The following TLCD4 variants were observed in gnomAD, a reference collection of about 807,000 sequenced individuals.
The protein encoded by TLCD4 is TLC domain containing 4.
In TLCD4, 7 loss-of-function variants were observed where a neutral mutation model predicts 24.2. The observed-to-expected ratio is 0.29, with a 90% confidence interval of 0.16 to 0.54. The LOEUF (loss-of-function observed/expected upper bound fraction) is 0.54, where lower values mean the gene tolerates loss of function less well. Among genes scored for constraint, TLCD4 ranks in the 20% least tolerant of loss-of-function variants. The probability of loss-of-function intolerance (pLI) is 0.95; values close to 1 mark genes in which losing one functional copy is unlikely to be tolerated. For synonymous variants in TLCD4, 103 were observed against 106.4 expected, an observed-to-expected ratio of 0.97 and a Z score of 0.20; for missense variants, 259 against 313.9, an observed-to-expected ratio of 0.82 and a Z score of 1.32.
intron 5 of TLCD4, among the ~76,000 whole-genome samples, chr1:95,166,319 A>G (rs1678017053): frequency 6.6e-6 from 1 of 152,232 alleles, no homozygotes; most frequent in Admixed American, 6.5e-5. Context: ...CATCATGAAC[A>G]CAGTTAAGTT....
intron 5 of TLCD4, among the ~76,000 whole-genome samples, chr1:95,161,301 A>G (rs1378231031): frequency 6.6e-6 from 1 of 152,134 alleles, no homozygotes; most frequent in Non-Finnish European, 1.5e-5. Context: ...AGAGGTGTTT[A>G]TAGGATTCTC....
At chr1:95,107,952 A>C in the TLCD4 span, among the ~76,000 whole-genome samples, 1 of 152,212 alleles carries the variant, frequency 6.6e-6, no homozygotes, top group Admixed American at 6.5e-5. Flanking sequence ...TAAGTCAAAG[A>C]GTAGTGAGGA....
At chr1:95,160,275 A>G (rs1305610022) in intron 5 of TLCD4, among the ~76,000 whole-genome samples, 2 of 152,152 alleles carry the variant, frequency 1.3e-5, no homozygotes, top group Admixed American at 6.6e-5. Flanking sequence ...GCAATAGTGA[A>G]TGTGAGTTCA....
chr1:95,128,807 G>T (rs775481195), intron 1 of TLCD4, among the ~76,000 whole-genome samples: 5 of 152,162 alleles, frequency 3.3e-5, no homozygotes, highest in African/African-American at 4.8e-5. Context: ...CATTTTAAAG[G>T]CACTTAATTG....
chr1:95,190,092 CTTTCTT>C (rs915435511), intron 6 of TLCD4, among the ~76,000 whole-genome samples: 1 of 99,218 alleles, frequency 1.0e-5, no homozygotes, highest in African/African-American at 4.0e-5. Context: ...AAAATTTGCA[CTTTCTT>C]TTTTTTTTTT....
At chr1:95,164,207 C>T in intron 5 of TLCD4, 1 of 153,852 alleles carries the variant, frequency 6.5e-6, no homozygotes, top group Non-Finnish European at 1.4e-5. Flanking sequence ...ATGGCGGATG[C>T]CCCTCCCCCA....
At chr1:95,165,556 C>T (rs1677989606) in intron 5 of TLCD4, among the ~76,000 whole-genome samples, 1 of 151,208 alleles carries the variant, frequency 6.6e-6, no homozygotes, top group African/African-American at 2.4e-5. Context: ...ACCTCCACTT[C>T]CCGGGTTCAA....
chr1:95,094,548 A>AG, the TLCD4 span, among the ~76,000 whole-genome samples: 1 of 152,184 alleles, frequency 6.6e-6, no homozygotes, highest in African/African-American at 2.4e-5. Context: ...AACGGCAACA[A>AG]CAGAGTGATA....
At chr1:95,167,359 A>G (rs1678052811) in intron 5 of TLCD4, among the ~76,000 whole-genome samples, 1 of 152,112 alleles carries the variant, frequency 6.6e-6, no homozygotes, top group Non-Finnish European at 1.5e-5. Flanking sequence ...AATTTGCTCA[A>G]ATAGAGGAAG....
chr1:95,139,626 T>G (rs1677146026), intron 1 of TLCD4, among the ~76,000 whole-genome samples: 1 of 151,828 alleles, frequency 6.6e-6, no homozygotes, highest in African/African-American at 2.4e-5. Context: ...GCCTGGCTAA[T>G]TTTTTGCATA....
intron 6 of TLCD4, among the ~76,000 whole-genome samples, chr1:95,176,173 G>A (rs1678417942): frequency 6.7e-6 from 1 of 150,256 alleles, no homozygotes; most frequent in African/African-American, 2.4e-5. Context: ...AGAATTGCCT[G>A]TTCAAGTTCT....
chr1:95,108,862 T>C, the TLCD4 span, among the ~76,000 whole-genome samples: 8 of 152,322 alleles, frequency 5.3e-5, no homozygotes, highest in Non-Finnish European at 8.8e-5. Context: ...GTATTAATTA[T>C]TGAGATTCTA....
chr1:95,143,430 G>GT (rs1677259214), intron 1 of TLCD4, among the ~76,000 whole-genome samples: 1 of 151,918 alleles, frequency 6.6e-6, no homozygotes, highest in African/African-American at 2.4e-5. Flanking sequence ...TTTTTGTTTT[G>GT]TTATTACAGG....
chr1:95,181,013 C>T (rs1262437335), intron 6 of TLCD4, among the ~76,000 whole-genome samples: 2 of 152,158 alleles, frequency 1.3e-5, no homozygotes, highest in Non-Finnish European at 1.5e-5. Flanking sequence ...AGTAGAATTA[C>T]TTGAACCCAG....
intron 1 of TLCD4, among the ~76,000 whole-genome samples, chr1:95,124,117 T>C (rs1676647666): frequency 6.6e-6 from 1 of 152,246 alleles, no homozygotes; most frequent in Non-Finnish European, 1.5e-5. Context: ...ATCTTTAGTT[T>C]TATTTATATT....
intron 5 of TLCD4, among the ~76,000 whole-genome samples, chr1:95,156,875 A>G (rs1677646191): frequency 6.6e-6 from 1 of 152,132 alleles, no homozygotes; most frequent in South Asian, 2.1e-4. Flanking sequence ...TCCCAGGGGA[A>G]AGTGGCCCAT....
intron 6 of TLCD4, among the ~76,000 whole-genome samples, chr1:95,187,069 G>A (rs1033456565): frequency 2.6e-5 from 4 of 152,034 alleles, no homozygotes; most frequent in African/African-American, 9.7e-5. Flanking sequence ...GTTTTTTTAA[G>A]GAAGAAAAAG....
the TLCD4 span, among the ~76,000 whole-genome samples, chr1:95,097,108 A>G: frequency 2.6e-5 from 4 of 152,274 alleles, no homozygotes; most frequent in South Asian, 4.1e-4. Flanking sequence ...GATACATAAT[A>G]GATGTACATA....
intron 1 of TLCD4, among the ~76,000 whole-genome samples, chr1:95,122,119 G>A (rs1347045580): frequency 1.3e-5 from 2 of 152,202 alleles, no homozygotes; most frequent in African/African-American, 2.4e-5. Context: ...ATCCCAGCGT[G>A]GAGGTGGGCA....
Sources: allele counts gnomAD v4.1 joint callset (sites outside exome capture counted in the v4.1 genomes callset), GRCh38; gene constraint gnomAD v4.1.1; transcripts MANE v1.5; gene names NCBI Gene and HGNC (gene_info 2026-07-23, HGNC 2026-07-21).